CCDC59: variants seen among roughly 807,000 people sequenced by gnomAD.
The protein encoded by CCDC59 is thyroid transcription factor 1-associated protein 26.
A neutral mutation model predicts 30.5 loss-of-function variants in CCDC59; 27 were observed. The observed-to-expected ratio is 0.89, with a 90% confidence interval of 0.65 to 1.22. CCDC59 has a LOEUF of 1.22. CCDC59 is among the 50% of genes most tolerant of loss of function. The pLI is 0.00. For synonymous variants in CCDC59, 125 were observed against 100.9 expected (o/e 1.24, Z -1.43); for missense variants, 362 against 284.4 (o/e 1.27, Z -1.96).
At chr12:82,358,618 C>T (rs577244889), upstream of CCDC59, 2 of 1,613,874 alleles carry the variant, frequency 1.2e-6, no homozygotes, top group Admixed American at 1.7e-5. Flanking sequence ...ACGCTGCGTG[C>T]CAAGTTGCAG....
Position 82,353,378 on chromosome 12 carries a change from T to A in CCDC59, c.565-66A>T, listed in dbSNP as rs1395958892. On this transcript the variant is annotated intron_variant, in intron 3 of 3. Coordinates refer to ENST00000256151, the MANE Select transcript of CCDC59 (RefSeq NM_014167.5). ...AGTAGATACAGTTCAGAAATTGTCT[T>A]GAAATAGCTATTACTAAGCAAACAC... is the stretch of plus-strand genomic sequence containing the variant. The A allele has an allele frequency of 3.9e-6, 5 of 1,275,230 alleles. No homozygotes were observed. In the African/African-American group the frequency reaches 6.0e-5, roughly 15 times the overall value. The allele number at this position is 1,275,230 out of a possible 1,614,324, so 79.0% of individuals were successfully genotyped here.
At chr12:82,357,324 G>A (rs1386923250) in intron 1 of CCDC59, 55 bp from the exon 2 acceptor site, 29 of 1,422,776 alleles carry the variant, frequency 2.0e-5, no homozygotes, top group Non-Finnish European at 2.7e-5. Context: ...GTTGAACGAA[G>A]AATGGAGCTG....
chr12:82,354,423 A>G (rs1880936487), intron 3 of CCDC59, 72 bp downstream of exon 3: 1 of 1,170,858 alleles, frequency 8.5e-7, no homozygotes, highest in South Asian at 1.8e-5. Context: ...ACCAAGAAGC[A>G]CAACAGGTAT....
Position 82,357,109 on chromosome 12 carries a change from C to T in CCDC59, c.315G>A (p.Arg105=), listed in dbSNP as rs760805149. The T allele has an allele frequency of 7.4e-6, 12 of 1,614,052 alleles. No homozygotes were observed. The highest frequency in any genetic ancestry group is 1.1e-5 in the South Asian group (1 of 91,086). The part of the protein sequence containing the change: ...HLYLAEEERH[R]KQARKVDHPL... ...GATGGTCGACTTTTCTTGCTTGCTT[C>T]CTATGTCTTTCCTCTTCAGCTAAAT... Residue 105 remains arginine, a synonymous_variant, in exon 2 of 4, where the codon AGG becomes AGA. Transcript: ENST00000256151.
chr12:82,358,780 T>G (rs113882703), upstream of CCDC59: 129,981 of 1,612,728 alleles, frequency 0.081, 5,826 homozygotes, highest in Middle Eastern at 0.093. Context: ...ACGGAGGCCC[T>G]GCCCTCAGAG....
At chr12:82,358,551 C>G, upstream of CCDC59, 1 of 1,607,732 alleles carries the variant, frequency 6.2e-7, no homozygotes, top group Non-Finnish European at 8.5e-7. Context: ...CCTACAGCCT[C>G]GGAGGGTGAG....
chr12:82,354,640 C>G, intron 2 of CCDC59, 46 bp from the exon 3 acceptor site: 1 of 1,501,236 alleles, frequency 6.7e-7, no homozygotes, highest in Non-Finnish European at 8.9e-7. Context: ...AGTAAAATGT[C>G]CAAAAAGGTA....
chr12:82,353,290 T>C lies in CCDC59; in HGVS notation c.587A>G (p.Glu196Gly), dbSNP rs746025792. ...KKQEFERRKQEREEAQRQYKK... is the reference protein window; with the variant it reads ...KKQEFERRKQGREEAQRQYKK... ...GTACTGCCTTTGGGCTTCTTCTCTC[T>C]CCTGTTTTCTCCTCTCGAATTCCTA... The change falls in exon 4 of 4, where the codon GAG (glutamate) becomes GGG (glycine). Residue 196 changes from glutamate (E) to glycine (G), a missense_variant. Physicochemically the swap from Glu to Gly is moderately conservative, Grantham distance 98. Coordinates refer to ENST00000256151, the MANE Select transcript of CCDC59 (RefSeq NM_014167.5). The C allele has an allele frequency of 6.2e-7, 1 of 1,601,992 alleles. No individual in the cohort carries two copies. The highest frequency in any genetic ancestry group is 8.5e-7 in the Non-Finnish European group (1 of 1,176,592).
intron 3 of CCDC59, 66 bp downstream of exon 3, chr12:82,354,429 G>A (rs1174670589): frequency 5.7e-6 from 7 of 1,234,384 alleles, no homozygotes; most frequent in Non-Finnish European, 7.8e-6. Context: ...AAGCACAACA[G>A]GTATAGTATA....
upstream of CCDC59, chr12:82,358,766 G>A (rs775581676): frequency 4.3e-6 from 7 of 1,613,842 alleles, no homozygotes; most frequent in Admixed American, 6.7e-5. Flanking sequence ...AGTCAGCGTC[G>A]GAGACGGAGG....
chr12:82,358,503 T>C (rs1881253067), upstream of CCDC59: 1 of 1,596,872 alleles, frequency 6.3e-7, no homozygotes, highest in South Asian at 1.1e-5. Flanking sequence ...CTGTGCTAAT[T>C]TGGGCCGAGC....
chr12:82,356,546 C>T (rs1881019270), intron 2 of CCDC59, among the ~76,000 whole-genome samples: 1 of 152,190 alleles, frequency 6.6e-6, no homozygotes, highest in Non-Finnish European at 1.5e-5. Flanking sequence ...TTAAAGAGGA[C>T]ATAGTGTTAT....
At chr12:82,354,700 A>C (rs1311991073) in intron 2 of CCDC59, 106 bp from the exon 3 acceptor site, 4 of 857,114 alleles carry the variant, frequency 4.7e-6, no homozygotes, top group Non-Finnish European at 4.8e-6. Flanking sequence ...TAAAAGGCAC[A>C]AATGGGGATT....
intron 1 of CCDC59, among the ~76,000 whole-genome samples, chr12:82,357,503 C>G (rs1016249193): frequency 5.9e-5 from 9 of 152,164 alleles, no homozygotes; most frequent in Non-Finnish European, 1.0e-4. Context: ...AAGTAAGAAT[C>G]TCAAAGAAAA....
At chr12:82,355,684 C>A (rs1249857550) in intron 2 of CCDC59, 1 of 152,184 alleles carries the variant, frequency 6.6e-6, no homozygotes, top group Non-Finnish European at 1.5e-5. Context: ...AGTTTCAGGG[C>A]ATCCACTGGG....
chr12:82,354,020 GTT>G (rs34312454), intron 3 of CCDC59, among the ~76,000 whole-genome samples: 38 of 149,324 alleles, frequency 2.5e-4, no homozygotes, highest in Non-Finnish European at 2.8e-4. Context: ...AATAATAGTT[GTT>G]TTTTTTTTTT....
chr12:82,357,352 CT>C (rs907195672), intron 1 of CCDC59, 83 bp from the exon 2 acceptor site: 11 of 1,158,412 alleles, frequency 9.5e-6, no homozygotes, highest in South Asian at 1.5e-5. Context: ...CAAATGAAAA[CT>C]TTTTTTACGT....
At position 82,352,879 on chromosome 12, in the gene CCDC59, T is replaced by C. The variant is rs1880869687; in HGVS notation, c.*272A>G. 1.6e-5 allele frequency: 4 copies of C among 244,460 alleles called. No homozygotes were observed. In the South Asian group the frequency reaches 4.8e-4, roughly 29 times the overall value. The allele number at this position is 244,460 out of a possible 1,614,324, so 15.1% of individuals were successfully genotyped here. ...AAATTTATTTCATATAAATCTCATATGGTACAAAAGTATTACATGCTTGGG... is the reference window on the plus strand; with the variant it reads ...AAATTTATTTCATATAAATCTCATACGGTACAAAAGTATTACATGCTTGGG... On this transcript the variant is annotated 3_prime_UTR_variant, in exon 4 of 4. Coordinates refer to ENST00000256151, the MANE Select transcript of CCDC59 (RefSeq NM_014167.5).
chr12:82,358,236 C>T lies in CCDC59; in HGVS notation c.141G>A (p.Gly47=). The T allele has an allele frequency of 6.2e-7, 1 of 1,614,216 alleles. No individual in the cohort carries two copies. Among genetic ancestry groups the T allele is most frequent in the Non-Finnish European group, 8.5e-7 (1 of 1,180,052 alleles). ...WRPNHPQAFV[G]SVREGQGFAF... is the part of the protein sequence containing the mutation. ...CTTCTTACATACCCTCGCGAACGCT[C>T]CCCACGAAGGCTTGCGGGTGGTTAG... The change falls in exon 1 of 4, where the codon GGG becomes GGA. Residue 47 remains glycine, a synonymous_variant. Coordinates refer to ENST00000256151, the MANE Select transcript of CCDC59 (RefSeq NM_014167.5).
Sources: gnomAD v4.1 joint callset for allele counts (sites outside exome capture counted in the v4.1 genomes callset) on GRCh38, gnomAD v4.1.1 for gene constraint, MANE v1.5 for transcripts, NCBI Gene and HGNC (gene_info 2026-07-23, HGNC 2026-07-21) for gene names.